ASTN2: variants seen among roughly 807,000 people sequenced by gnomAD.
The protein encoded by ASTN2 is astrotactin 2.
In ASTN2, 54 loss-of-function variants were observed where a neutral mutation model predicts 139.8. The ratio of observed to expected loss-of-function variants is 0.39; its 90% confidence interval spans 0.31 to 0.48. ASTN2 has a LOEUF of 0.48. Ranked by LOEUF, ASTN2 falls within the 20% of genes least tolerant of loss-of-function variation. The pLI, the probability that ASTN2 is intolerant of heterozygous loss-of-function variation, is 0.95. For synonymous variants in ASTN2, 756 were observed against 719.5 expected (o/e 1.05, Z -0.81); for missense variants, 1,565 against 1,725.1 (o/e 0.91, Z 1.64).
At chr9:116,978,566 T>C (rs1928991) in intron 7 of ASTN2, among the ~76,000 whole-genome samples, 45,303 of 151,554 alleles carry the variant, frequency 0.3, 7,029 homozygotes, top group Admixed American at 0.38. Context: ...GTGATTCTGA[T>C]AGACAGGACC....
At chr9:117,139,493 G>A (rs938248759) in intron 4 of ASTN2, among the ~76,000 whole-genome samples, 5 of 152,184 alleles carry the variant, frequency 3.3e-5, no homozygotes, top group East Asian at 3.9e-4. Context: ...TTTCCCATAT[G>A]AGTTCCAAAA....
At chr9:117,227,618 A>G (rs1227159707) in intron 2 of ASTN2, among the ~76,000 whole-genome samples, 1 of 152,208 alleles carries the variant, frequency 6.6e-6, no homozygotes, top group Non-Finnish European at 1.5e-5. Flanking sequence ...GAGGACCGAA[A>G]AGGCTGGAAG....
At chr9:116,745,914 A>G (rs1310717814) in intron 13 of ASTN2, among the ~76,000 whole-genome samples, 1 of 152,126 alleles carries the variant, frequency 6.6e-6, no homozygotes, top group Admixed American at 6.5e-5. Flanking sequence ...CTAGGTCAGA[A>G]GTCTGACATG....
intron 19 of ASTN2, among the ~76,000 whole-genome samples, chr9:116,524,781 A>G (rs1044116080): frequency 6.6e-6 from 1 of 152,198 alleles, no homozygotes; most frequent in Non-Finnish European, 1.5e-5. Context: ...TCTCAGGGTT[A>G]CATGGCCAAG....
intron 2 of ASTN2, among the ~76,000 whole-genome samples, chr9:117,263,216 T>C (rs371061164): frequency 6.6e-6 from 1 of 152,158 alleles, no homozygotes; most frequent in African/African-American, 2.4e-5. Flanking sequence ...CTAATGATAC[T>C]AAATATAAAG....
chr9:116,883,476 G>A (rs1036366936), intron 10 of ASTN2, among the ~76,000 whole-genome samples: 18 of 152,064 alleles, frequency 1.2e-4, no homozygotes, highest in African/African-American at 2.7e-4. Flanking sequence ...TTGGGTTTGC[G>A]GAAATTCACA....
At position 116,516,499 on chromosome 9, in the gene ASTN2, G is replaced by A. The variant is rs569175152; in HGVS notation, c.3356-28999C>T. ...CTTTTCTCAAATATGGCAGATAGGA[G>A]GAAGGACTAGCTTGCAGCTCCTGCC... On this transcript the variant is annotated intron_variant, in intron 19 of 22. Coordinates refer to ENST00000313400, the MANE Select transcript of ASTN2 (RefSeq NM_001365068.1). 2.0e-4 allele frequency among the ~76,000 whole-genome samples: 30 copies of A among 152,300 alleles called. 1 individual carries two copies. The highest frequency in any genetic ancestry group is 9.1e-4 in the Admixed American group (14 of 15,308).
At chr9:116,758,771 G>A (rs1366273174) in intron 13 of ASTN2, among the ~76,000 whole-genome samples, 2 of 152,174 alleles carry the variant, frequency 1.3e-5, no homozygotes, top group Non-Finnish European at 2.9e-5. Context: ...TGGGGCAGGT[G>A]TTTCATGGGA....
chr9:116,507,723 C>G (rs1333365104), intron 19 of ASTN2, among the ~76,000 whole-genome samples: 2 of 152,106 alleles, frequency 1.3e-5, no homozygotes, highest in Non-Finnish European at 2.9e-5. Flanking sequence ...CCACTTGCCT[C>G]CCTGTCTGAT....
intron 5 of ASTN2, among the ~76,000 whole-genome samples, chr9:117,087,188 T>C (rs1828586775): frequency 6.6e-6 from 1 of 151,786 alleles, no homozygotes; most frequent in Non-Finnish European, 1.5e-5. Flanking sequence ...ATGTTTATTG[T>C]TTTTTTCTTT....
At chr9:117,203,540 T>C (rs1403795782) in intron 3 of ASTN2, among the ~76,000 whole-genome samples, 2 of 152,098 alleles carry the variant, frequency 1.3e-5, no homozygotes. Flanking sequence ...TTTGTTGTTG[T>C]TGTTGTTGTT....
Position 116,694,459 on chromosome 9 carries a change from C to CTTTTTTT in ASTN2, c.2806+31305_2806+31311dup, listed in dbSNP as rs56666915. 6.6e-3 allele frequency among the ~76,000 whole-genome samples: 578 copies of CTTTTTTT among 87,996 alleles called. 19 individuals carry two copies. The highest frequency in any genetic ancestry group is 0.01 in the Middle Eastern group (1 of 98). 57.7% of individuals were successfully genotyped at this position (87,996 alleles called of 152,430 possible). A position where few individuals can be genotyped will look rare whatever the true frequency, so the allele number is the denominator to read the frequency against. ...GCATGGATCCTGAGTTGTAATTTCT[C>CTTTTTTT]TTTTTTTTTTTTTTTTTTTTGAGAT... On this transcript the variant is annotated intron_variant, in intron 16 of 22. Coordinates refer to ENST00000313400, the MANE Select transcript of ASTN2 (RefSeq NM_001365068.1).
intron 1 of ASTN2, among the ~76,000 whole-genome samples, chr9:117,306,067 T>C (rs1019759252): frequency 2.0e-5 from 3 of 152,216 alleles, no homozygotes; most frequent in African/African-American, 4.8e-5. Context: ...TTGAATATCC[T>C]CTTCAGGCCA....
Position 117,086,698 on chromosome 9 carries a change from C to G in ASTN2, c.1276+9346G>C, listed in dbSNP as rs1828571681. On this transcript the variant is annotated intron_variant, in intron 5 of 22. Coordinates refer to ENST00000313400, the MANE Select transcript of ASTN2 (RefSeq NM_001365068.1). ...AGCGCTTTCTCCCCTGGCTTTCCAC[C>G]CTGTCTTCACTTCTCCCGGCTTTCC... is the stretch of plus-strand genomic sequence containing the variant. Among the ~76,000 whole-genome samples, 11 of 152,246 alleles carry G rather than the reference C, an allele frequency of 7.2e-5. No individual in the cohort carries two copies. In the South Asian group the frequency reaches 2.3e-3, roughly 32 times the overall value.
intron 3 of ASTN2, among the ~76,000 whole-genome samples, chr9:117,204,498 G>T (rs940767324): frequency 1.3e-5 from 2 of 149,714 alleles, no homozygotes; most frequent in African/African-American, 2.5e-5. Context: ...CTCTCTCAAA[G>T]ATCTCTAAGT....
In ASTN2 at chr9:116,425,816, A is replaced by G; in HGVS notation, c.*35T>C. The G allele has an allele frequency of 6.2e-7, 1 of 1,609,582 alleles. No individual in the cohort carries two copies. The stretch of plus-strand genomic sequence containing the variant: ...GAGAATACTGCTCCCCCTCCCATGG[A>G]GAGTCTCTGTGCTCACGGAGGGCAA... On this transcript the variant is annotated 3_prime_UTR_variant, in exon 23 of 23. Coordinates refer to ENST00000313400, the MANE Select transcript of ASTN2 (RefSeq NM_001365068.1).
At chr9:116,476,255 A>G (rs1438773089) in intron 20 of ASTN2, among the ~76,000 whole-genome samples, 2 of 152,180 alleles carry the variant, frequency 1.3e-5, no homozygotes, top group African/African-American at 4.8e-5. Flanking sequence ...TCAGTCACTG[A>G]ATTAAGGAAT....
chr9:117,348,882 CAA>C (rs58386335), intron 1 of ASTN2, among the ~76,000 whole-genome samples: 3 of 130,360 alleles, frequency 2.3e-5, no homozygotes, highest in Non-Finnish European at 1.6e-5. Context: ...TGTCTCTGTC[CAA>C]AAAAAAAAAA....
chr9:116,491,071 T>A (rs1182376922), intron 19 of ASTN2, among the ~76,000 whole-genome samples: 3 of 152,186 alleles, frequency 2.0e-5, no homozygotes, highest in Admixed American at 2.0e-4. Flanking sequence ...ATTCTAAGGT[T>A]TGCAGGTTTA....
Sources: allele counts gnomAD v4.1 joint callset (sites outside exome capture counted in the v4.1 genomes callset), GRCh38; gene constraint gnomAD v4.1.1; transcripts MANE v1.5; gene names NCBI Gene and HGNC (gene_info 2026-07-23, HGNC 2026-07-21).